STK3: variants seen among roughly 807,000 people sequenced by gnomAD.
STK3 encodes serine/threonine kinase 3, also known as serine/threonine-protein kinase 3.
STK3 carries 41 observed loss-of-function variants against 58.0 expected under a neutral mutation model. That is an observed-to-expected ratio of 0.71 (90% confidence interval 0.55 to 0.92). The LOEUF (loss-of-function observed/expected upper bound fraction) is 0.92. STK3 is among the 40% of genes least tolerant of loss of function. STK3 has a pLI of 0.00. For synonymous variants in STK3, 170 were observed against 191.0 expected (o/e 0.89, Z 0.91); for missense variants, 479 against 602.7 (o/e 0.79, Z 2.15).
At chr8:98,516,946 G>C (rs912572778) in intron 10 of STK3, among the ~76,000 whole-genome samples, 2 of 151,984 alleles carry the variant, frequency 1.3e-5, no homozygotes, top group African/African-American at 4.8e-5. Flanking sequence ...AGGTCTGTGA[G>C]AATGAAACTT....
the STK3 span, among the ~76,000 whole-genome samples, chr8:98,359,344 TAAAAAAAAAAAAA>T: frequency 2.2e-4 from 12 of 55,722 alleles, no homozygotes; most frequent in Admixed American, 6.1e-4. Flanking sequence ...CCATCTCAAC[TAAAAAAAAAAAAA>T]AAAAAAAAAA....
At chr8:98,381,682 G>C (rs1456885401) in intron 1 of STK3, among the ~76,000 whole-genome samples, 2 of 152,180 alleles carry the variant, frequency 1.3e-5, no homozygotes, top group African/African-American at 4.8e-5. Flanking sequence ...AGGTGTTACT[G>C]TCCCCATTTT....
intron 4 of STK3, among the ~76,000 whole-genome samples, chr8:98,720,054 A>C (rs939717598): frequency 6.6e-6 from 1 of 152,220 alleles, no homozygotes; most frequent in Admixed American, 6.5e-5. Flanking sequence ...TTAACAACCC[A>C]ATTTAGTATT....
downstream of STK3, among the ~76,000 whole-genome samples, chr8:98,453,634 G>A (rs963096346): frequency 7.2e-5 from 11 of 152,164 alleles, no homozygotes; most frequent in Non-Finnish European, 8.8e-5. Context: ...GCAGAAAATT[G>A]CAATGTGAGT....
intron 10 of STK3, 80 bp from the exon 11 acceptor site, chr8:98,456,080 T>A: frequency 6.9e-6 from 9 of 1,310,258 alleles, no homozygotes; most frequent in African/African-American, 1.5e-5. Context: ...TAGACTTTAA[T>A]GTCTAATGAG....
the STK3 span, among the ~76,000 whole-genome samples, chr8:98,355,999 T>C: frequency 1.3e-5 from 2 of 152,230 alleles, 1 homozygote; most frequent in South Asian, 4.1e-4. Flanking sequence ...GTAGATGTTA[T>C]AATGCAATGG....
downstream of STK3, among the ~76,000 whole-genome samples, chr8:98,450,542 G>A (rs916487330): frequency 1.3e-5 from 2 of 152,154 alleles, no homozygotes; most frequent in African/African-American, 4.8e-5. Flanking sequence ...TCTGATGCCA[G>A]GCTCCTTCCG....
At chr8:98,467,637 G>T (rs1375232021) in intron 10 of STK3, among the ~76,000 whole-genome samples, 1 of 151,644 alleles carries the variant, frequency 6.6e-6, no homozygotes, top group East Asian at 1.9e-4. Flanking sequence ...GAAGATGAGG[G>T]TATTTTTTCA....
chr8:98,803,594 A>C (rs1200612218), intron 1 of STK3, among the ~76,000 whole-genome samples: 2 of 118,118 alleles, frequency 1.7e-5, no homozygotes, highest in African/African-American at 6.9e-5. Context: ...ACTCTGTTTC[A>C]AAAAAAAAAA....
the STK3 span, among the ~76,000 whole-genome samples, chr8:98,359,728 C>T: frequency 6.6e-6 from 1 of 152,146 alleles, no homozygotes; most frequent in Non-Finnish European, 1.5e-5. Flanking sequence ...TAGAATCTTT[C>T]AGTGGCTCGC....
intron 6 of STK3, among the ~76,000 whole-genome samples, chr8:98,680,751 T>C (rs1823570343): frequency 6.6e-6 from 1 of 152,182 alleles, no homozygotes; most frequent in African/African-American, 2.4e-5. Context: ...GGCAACATTT[T>C]ATCCAAAACT....
In STK3 at chr8:98,891,378, T is replaced by A. The variant is rs546347949; in HGVS notation, c.-78-7544A>T. On this transcript the variant is annotated intron_variant, in intron 1 of 1. Coordinates refer to the STK3 transcript ENST00000519420. ...TCTCGTTTATGGCTCCAACACTCTT[T>A]ATGTGCAACATTAACCATCCTTTGT... 7.2e-5 allele frequency among the ~76,000 whole-genome samples: 11 copies of A among 152,384 alleles called. No individual in the cohort carries two copies. The East Asian group carries it at 2.1e-3, about 29-fold the overall frequency.
At chr8:98,674,524 AG>A (rs1823056345) in intron 6 of STK3, among the ~76,000 whole-genome samples, 1 of 152,138 alleles carries the variant, frequency 6.6e-6, no homozygotes, top group South Asian at 2.1e-4. Flanking sequence ...TTCATTTTTG[AG>A]GCAAAAAAAG....
rs1838310762 is a variant in STK3 at position 98,893,484 on chromosome 8, A to AAGAGAAAGAAAG, written c.-78-9662_-78-9651dup. Among the ~76,000 whole-genome samples, 52 of 43,612 alleles carry AAGAGAAAGAAAG rather than the reference A, an allele frequency of 1.2e-3. 1 individual carries two copies. Among genetic ancestry groups the AAGAGAAAGAAAG allele is most frequent in the African/African-American group, 5.0e-3 (51 of 10,300 alleles). 28.6% of individuals were successfully genotyped at this position (43,612 alleles called of 152,430 possible). On this transcript the variant is annotated intron_variant, in intron 1 of 1. Coordinates refer to the STK3 transcript ENST00000519420. Reference sequence around the variant, plus strand: ...AAAGAAAGAAAGAAAGAAAGAAAGAAAGAGAAAGAAAGAAAGAAAGAAAGA... The same window carrying AAGAGAAAGAAAG: ...AAAGAAAGAAAGAAAGAAAGAAAGAAAGAGAAAGAAAGAGAGAAAGAAAGAAAGAAAGAAAGA...
upstream of STK3, among the ~76,000 whole-genome samples, chr8:98,389,575 C>T (rs548755979): frequency 6.6e-6 from 1 of 152,072 alleles, no homozygotes; most frequent in Non-Finnish European, 1.5e-5. Flanking sequence ...AGGATGACTG[C>T]TACCAGGGAT....
upstream of STK3, among the ~76,000 whole-genome samples, chr8:98,390,942 G>A (rs1174000158): frequency 6.6e-6 from 1 of 152,038 alleles, no homozygotes; most frequent in Non-Finnish European, 1.5e-5. Flanking sequence ...CTATTCATGT[G>A]AAGCAAATTC....
intron 1 of STK3, among the ~76,000 whole-genome samples, chr8:98,900,089 A>G (rs1408009895): frequency 6.6e-6 from 1 of 151,994 alleles, no homozygotes; most frequent in Non-Finnish European, 1.5e-5. Flanking sequence ...TTATTTATTT[A>G]TTTTTGAGAC....
At chr8:98,618,470 C>T (rs1203422754) in intron 6 of STK3, among the ~76,000 whole-genome samples, 4 of 151,982 alleles carry the variant, frequency 2.6e-5, no homozygotes, top group East Asian at 1.9e-4. Context: ...CCAGGGCAAT[C>T]AGGCAGGAGA....
At chr8:98,718,259 G>A (rs553241851) in intron 4 of STK3, among the ~76,000 whole-genome samples, 31 of 152,268 alleles carry the variant, frequency 2.0e-4, no homozygotes, top group African/African-American at 7.0e-4. Flanking sequence ...GGGGGGAAAT[G>A]CCTTGATTCA....
Sources: allele counts gnomAD v4.1 joint callset (sites outside exome capture counted in the v4.1 genomes callset), GRCh38; gene constraint gnomAD v4.1.1; transcripts MANE v1.5; gene names NCBI Gene and HGNC (gene_info 2026-07-23, HGNC 2026-07-21).